CAMK1D: variants seen among roughly 807,000 people sequenced by gnomAD.
CAMK1D encodes the protein calcium/calmodulin-dependent protein kinase type 1D.
CAMK1D carries 9 observed loss-of-function variants against 47.7 expected under a neutral mutation model. That is an observed-to-expected ratio of 0.19 (90% confidence interval 0.11 to 0.33). The LOEUF (loss-of-function observed/expected upper bound fraction) is 0.33, where lower values mean the gene tolerates loss of function less well. CAMK1D is among the 10% of genes least tolerant of loss of function. The pLI is 1.00. For missense variants in CAMK1D, 291 were observed against 488.7 expected, an observed-to-expected ratio of 0.60 and a Z score of 3.81; for synonymous variants, 184 against 184.9, an observed-to-expected ratio of 0.99 and a Z score of 0.04.
intron 1 of CAMK1D, among the ~76,000 whole-genome samples, chr10:12,485,952 G>A (rs979411950): frequency 6.6e-6 from 1 of 152,082 alleles, no homozygotes; most frequent in Non-Finnish European, 1.5e-5. Context: ...TCACCCAGAC[G>A]GCCTGATTTG....
In CAMK1D at chr10:12,374,960, A is replaced by G. The variant is rs989058097; in HGVS notation, c.92+25050A>G. ...TCCGTCTCAAAAAAAAAAAAAAAAA[A>G]AAAGAAATATTTTTGTGGAGATGGG... On this transcript the variant is annotated intron_variant, in intron 1 of 10. Transcript: ENST00000619168. Among the ~76,000 whole-genome samples the G allele has an allele frequency of 1.4e-4, 22 of 151,838 alleles. No homozygotes were observed. The South Asian group carries it at 4.4e-3, about 30-fold the overall frequency.
chr10:12,583,669 T>C (rs552445175), intron 2 of CAMK1D, among the ~76,000 whole-genome samples: 1 of 151,480 alleles, frequency 6.6e-6, no homozygotes, highest in African/African-American at 2.4e-5. Flanking sequence ...TGGCGCGATC[T>C]CAGCTCACTG....
chr10:12,395,968 G>A (rs1838934865), intron 1 of CAMK1D, among the ~76,000 whole-genome samples: 1 of 151,602 alleles, frequency 6.6e-6, no homozygotes, highest in African/African-American at 2.4e-5. Flanking sequence ...CTGCCTCCTG[G>A]GTTCAAGCGA....
At position 12,815,538 on chromosome 10, in the gene CAMK1D, A is replaced by G. The variant is rs571841253; in HGVS notation, c.755-712A>G. 2.2e-4 allele frequency among the ~76,000 whole-genome samples: 34 copies of G among 152,352 alleles called. No individual in the cohort carries two copies. The South Asian group carries it at 3.9e-3, about 18-fold the overall frequency. On this transcript the variant is annotated intron_variant, in intron 7 of 10. Coordinates refer to ENST00000619168, the MANE Select transcript of CAMK1D (RefSeq NM_153498.4). Reference sequence around the variant, plus strand: ...ATTTTCCTTCTGAGCTCAGAGGAGCACAGCCTTCCCCCAGAAGCCCAGTCC... The same window carrying G: ...ATTTTCCTTCTGAGCTCAGAGGAGCGCAGCCTTCCCCCAGAAGCCCAGTCC...
intron 3 of CAMK1D, among the ~76,000 whole-genome samples, chr10:12,699,144 C>A (rs887047421): frequency 6.6e-6 from 1 of 152,108 alleles, no homozygotes; most frequent in Admixed American, 6.6e-5. Context: ...TCTGGTGACC[C>A]TTTCTCAGGC....
intron 2 of CAMK1D, among the ~76,000 whole-genome samples, chr10:12,560,841 G>C (rs1368582145): frequency 1.3e-5 from 2 of 152,060 alleles, no homozygotes; most frequent in African/African-American, 2.4e-5. Flanking sequence ...TAGGGAGGCA[G>C]GTGCATATCT....
At chr10:12,734,369 TATATATATAG>T (rs1296490091) in intron 3 of CAMK1D, among the ~76,000 whole-genome samples, 55 of 10,172 alleles carry the variant, frequency 5.4e-3, no homozygotes, top group African/African-American at 0.016. Context: ...TATATATATA[TATATATATAG>T]ATATAGATAT....
chr10:12,488,408 G>A (rs1004420610), intron 1 of CAMK1D, among the ~76,000 whole-genome samples: 1 of 152,140 alleles, frequency 6.6e-6, no homozygotes, highest in Non-Finnish European at 1.5e-5. Context: ...AGTGACTCCA[G>A]TTAGTGCAGA....
At chr10:12,650,355 T>C (rs1050248684) in intron 2 of CAMK1D, among the ~76,000 whole-genome samples, 8 of 152,252 alleles carry the variant, frequency 5.3e-5, no homozygotes, top group African/African-American at 1.9e-4. Flanking sequence ...TAGCCCTGTG[T>C]CTGGCTCTCT....
intron 1 of CAMK1D, among the ~76,000 whole-genome samples, chr10:12,372,008 G>A (rs1275326975): frequency 3.3e-5 from 5 of 152,060 alleles, no homozygotes; most frequent in East Asian, 1.9e-4. Context: ...CACCTTTTCC[G>A]TATCTTGATA....
chr10:12,703,981 G>A (rs528846391), intron 3 of CAMK1D, among the ~76,000 whole-genome samples: 1 of 152,238 alleles, frequency 6.6e-6, no homozygotes, highest in South Asian at 2.1e-4. Context: ...GAATCATGCA[G>A]GGTTGCATAC....
At position 12,796,665 on chromosome 10, in the gene CAMK1D, G is replaced by A. The variant is rs370467964; in HGVS notation, c.641+5432G>A. 1.4e-3 allele frequency among the ~76,000 whole-genome samples: 209 copies of A among 152,252 alleles called. 3 individuals are homozygous for A. The highest frequency in any genetic ancestry group is 4.9e-3 in the African/African-American group (202 of 41,566). On this transcript the variant is annotated intron_variant, in intron 6 of 10. Transcript: ENST00000619168. ...GTCGTGATGGCTGTTATTCCTATCA[G>A]CATGAGGAGTGCTGACTTTAATAGG...
intron 3 of CAMK1D, among the ~76,000 whole-genome samples, chr10:12,726,828 G>A (rs981004223): frequency 6.6e-6 from 1 of 152,186 alleles, no homozygotes; most frequent in Non-Finnish European, 1.5e-5. Context: ...ACAGAGTTTT[G>A]AGTTCTCACT....
intron 1 of CAMK1D, among the ~76,000 whole-genome samples, chr10:12,506,475 A>G (rs1834875151): frequency 6.6e-6 from 1 of 152,022 alleles, no homozygotes; most frequent in South Asian, 2.1e-4. Context: ...TTCTCTACAC[A>G]CCATAAAGGA....
At position 12,829,191 on chromosome 10, in the gene CAMK1D, T is replaced by C. The variant is rs532043560; in HGVS notation, c.*304T>C. The C allele has an allele frequency of 2.4e-5, 6 of 252,798 alleles. No homozygotes were observed. Among genetic ancestry groups the C allele is most frequent in the Admixed American group, 1.1e-4 (2 of 18,064 alleles). 15.7% of individuals were successfully genotyped at this position (252,798 alleles called of 1,614,324 possible). On this transcript the variant is annotated 3_prime_UTR_variant, in exon 11 of 11. Coordinates refer to ENST00000619168, the MANE Select transcript of CAMK1D (RefSeq NM_153498.4). The stretch of plus-strand genomic sequence containing the variant: ...TCCCCTAACACCATCGTTTCCACTC[T>C]TCTCAGTGTAGGTAACCGTCTATGG...
At chr10:12,583,835 G>A (rs550042400) in intron 2 of CAMK1D, among the ~76,000 whole-genome samples, 2 of 152,160 alleles carry the variant, frequency 1.3e-5, no homozygotes, top group East Asian at 1.9e-4. Context: ...TCCTGACCTC[G>A]TGATCCGCCT....
intron 1 of CAMK1D, among the ~76,000 whole-genome samples, chr10:12,487,535 T>G (rs749217815): frequency 3.3e-5 from 5 of 152,274 alleles, no homozygotes; most frequent in Non-Finnish European, 7.3e-5. Context: ...GTACTTTTGT[T>G]GATTTGAGTT....
At chr10:12,532,283 CT>C (rs375755257) in intron 1 of CAMK1D, among the ~76,000 whole-genome samples, 7,984 of 144,180 alleles carry the variant, frequency 0.055, 222 homozygotes, top group Admixed American at 0.12. Flanking sequence ...TTTTTATTTT[CT>C]TTTTTTTTTT....
intron 8 of CAMK1D, among the ~76,000 whole-genome samples, chr10:12,821,918 G>C (rs1833026772): frequency 6.6e-6 from 1 of 152,144 alleles, no homozygotes; most frequent in African/African-American, 2.4e-5. Context: ...AGGTTGCAGT[G>C]AGTCGAGATC....
Sources: allele counts gnomAD v4.1 joint callset (sites outside exome capture counted in the v4.1 genomes callset), GRCh38; gene constraint gnomAD v4.1.1; transcripts MANE v1.5; gene names NCBI Gene and HGNC (gene_info 2026-07-23, HGNC 2026-07-21).